Variants in SDK1 observed in about 807,000 individuals in gnomAD.
SDK1 encodes protein sidekick-1.
Under a neutral mutation model 245.5 loss-of-function variants are expected in SDK1, and 157 were observed. The ratio of observed to expected loss-of-function variants is 0.64; its 90% CI spans 0.56 to 0.73. The LOEUF is 0.73. SDK1 is among the 30% of genes least tolerant of loss of function. The probability of loss-of-function intolerance (pLI) is 0.00; values close to 1 mark genes in which losing one functional copy is unlikely to be tolerated. For synonymous variants in SDK1, 1,647 were observed against 1,278.5 expected (o/e 1.29, Z -6.15); for missense variants, 3,583 against 3,002.3 (o/e 1.19, Z -4.52).
chr7:3,817,455 C>T (rs778122959), intron 4 of SDK1, among the ~76,000 whole-genome samples: 1 of 152,192 alleles, frequency 6.6e-6, no homozygotes. Context: ...TGATTCTGCT[C>T]CAGTGGTGAT....
chr7:4,098,438 C>T lies in SDK1; in HGVS notation c.3325-12225C>T, dbSNP rs534961642. On this transcript the variant is annotated intron_variant, in intron 22 of 44. Coordinates refer to ENST00000404826, the MANE Select transcript of SDK1 (RefSeq NM_152744.4). ...TCTTGTTGGATTTTTTTAGATTTGC[C>T]TGTGTGTTTCATTTTTCCAGCCATT... Among the ~76,000 whole-genome samples, 19 of 152,046 alleles carry T rather than the reference C, an allele frequency of 1.2e-4. No individual in the cohort carries two copies. The South Asian group carries it at 2.3e-3, about 18-fold the overall frequency.
At chr7:3,591,353 C>G (rs1780869276) in intron 1 of SDK1, among the ~76,000 whole-genome samples, 4 of 152,216 alleles carry the variant, frequency 2.6e-5, no homozygotes, top group Admixed American at 2.6e-4. Flanking sequence ...CATGACCTAG[C>G]TGTTAATTTA....
intron 4 of SDK1, among the ~76,000 whole-genome samples, chr7:3,715,842 T>G (rs1012991329): frequency 4.6e-5 from 7 of 152,046 alleles, no homozygotes; most frequent in African/African-American, 7.2e-5. Flanking sequence ...CTGTTGCAAT[T>G]ACCAGACAAG....
intron 1 of SDK1, among the ~76,000 whole-genome samples, chr7:3,469,212 C>T (rs964779781): frequency 6.6e-6 from 1 of 152,126 alleles, no homozygotes; most frequent in Non-Finnish European, 1.5e-5. Context: ...TGCTTCAAGC[C>T]AGAAGTTCGA....
intron 38 of SDK1, among the ~76,000 whole-genome samples, chr7:4,213,509 CG>C (rs1303921264): frequency 6.6e-6 from 1 of 151,464 alleles, no homozygotes; most frequent in African/African-American, 2.4e-5. Flanking sequence ...GGGTTGAACC[CG>C]GGAGGTGGAG....
chr7:4,125,723 C>T (rs1784355474), intron 25 of SDK1, among the ~76,000 whole-genome samples: 1 of 152,232 alleles, frequency 6.6e-6, no homozygotes, highest in Non-Finnish European at 1.5e-5. Flanking sequence ...CTTTCATTCT[C>T]ACTCTAAAGG....
chr7:3,906,299 G>A (rs1487250186), intron 5 of SDK1, among the ~76,000 whole-genome samples: 1 of 151,992 alleles, frequency 6.6e-6, no homozygotes, highest in Non-Finnish European at 1.5e-5. Flanking sequence ...ATTTTGTAGT[G>A]TCTCCCAAAT....
intron 2 of SDK1, among the ~76,000 whole-genome samples, chr7:3,624,016 A>T (rs1041633266): frequency 1.3e-5 from 2 of 152,202 alleles, no homozygotes; most frequent in Admixed American, 6.5e-5. Context: ...AATAAAAATT[A>T]TGAAATACCT....
At chr7:3,932,804 A>T (rs1422247936) in intron 5 of SDK1, among the ~76,000 whole-genome samples, 1 of 152,214 alleles carries the variant, frequency 6.6e-6, no homozygotes, top group Non-Finnish European at 1.5e-5. Flanking sequence ...CCAGAGATAG[A>T]CAGGAGAGAA....
intron 4 of SDK1, among the ~76,000 whole-genome samples, chr7:3,644,621 C>A (rs920653429): frequency 6.6e-6 from 1 of 151,100 alleles, no homozygotes; most frequent in Non-Finnish European, 1.5e-5. Flanking sequence ...AAAAAAATAG[C>A]TGGGTGTGGT....
chr7:4,020,327 C>T (rs1312862556), intron 17 of SDK1, among the ~76,000 whole-genome samples: 4 of 152,148 alleles, frequency 2.6e-5, no homozygotes, highest in African/African-American at 9.7e-5. Flanking sequence ...GCCTTGATGC[C>T]TCAGTGTAGT....
chr7:3,569,023 A>G (rs1463047746), intron 1 of SDK1, among the ~76,000 whole-genome samples: 1 of 120,456 alleles, frequency 8.3e-6, no homozygotes, highest in Non-Finnish European at 1.7e-5. Flanking sequence ...TTTTTTTTCT[A>G]GTAACTCATT....
At chr7:3,563,518 C>T (rs745611523) in intron 1 of SDK1, among the ~76,000 whole-genome samples, 59 of 152,056 alleles carry the variant, frequency 3.9e-4, no homozygotes, top group Non-Finnish European at 8.8e-5. Flanking sequence ...GAAGATGTAA[C>T]CATAAAAAAT....
chr7:4,203,069 G>A (rs569956974), intron 35 of SDK1, among the ~76,000 whole-genome samples: 66 of 152,334 alleles, frequency 4.3e-4, no homozygotes, highest in African/African-American at 1.4e-3. Context: ...ACAGAATGCC[G>A]TCCTTGCTGC....
In SDK1 at chr7:4,103,852, G is replaced by A. The variant is rs529344934; in HGVS notation, c.3325-6811G>A. 1.4e-4 allele frequency among the ~76,000 whole-genome samples: 21 copies of A among 152,358 alleles called. No homozygotes were observed. In the East Asian group the frequency reaches 4.1e-3, roughly 29 times the overall value. On this transcript the variant is annotated intron_variant, in intron 22 of 44. Transcript: ENST00000404826. ...TCCAGCAGGGCTTGCCACACTTTCTGTAAAGGTCCCGATAGTGAATACTTG... is the reference window on the plus strand; with the variant it reads ...TCCAGCAGGGCTTGCCACACTTTCTATAAAGGTCCCGATAGTGAATACTTG...
At position 3,895,742 on chromosome 7, in the gene SDK1, G is replaced by T. The variant is rs141092415; in HGVS notation, c.848-55181G>T. Reference sequence around the variant, plus strand: ...TGCTTGATGCCATCAGTATCCCCAGGCACTGCTTTAGGCTCATCTCCCCAT... The same window carrying T: ...TGCTTGATGCCATCAGTATCCCCAGTCACTGCTTTAGGCTCATCTCCCCAT... On this transcript the variant is annotated intron_variant, in intron 5 of 44. Coordinates refer to ENST00000404826, the MANE Select transcript of SDK1 (RefSeq NM_152744.4). Among the ~76,000 whole-genome samples the T allele has an allele frequency of 2.8e-3, 433 of 152,236 alleles. 5 individuals are homozygous for T. In the South Asian group the frequency reaches 0.034, roughly 12 times the overall value.
intron 4 of SDK1, among the ~76,000 whole-genome samples, chr7:3,692,458 G>C (rs916316944): frequency 6.6e-6 from 1 of 152,018 alleles, no homozygotes; most frequent in Non-Finnish European, 1.5e-5. Flanking sequence ...AAACAGAGAG[G>C]ATTTCTTATA....
In SDK1 at chr7:4,149,421, C is replaced by A. The variant is rs376569614; in HGVS notation, c.4583C>A (p.Ser1528Tyr). ...ELPRGEWQTY[S>Y]SSISHEATAC... ...CCTCGGGGTGAGTGGCAGACCTACT[C>A]CTCGTCCATCAGCCATGAGGCGACA... Residue 1528 changes from serine to tyrosine, a missense_variant, in exon 30 of 45, where the codon TCC becomes TAC. Ser to Tyr is a moderately radical substitution (Grantham distance 144, BLOSUM62 -2). Coordinates refer to ENST00000404826, the MANE Select transcript of SDK1 (RefSeq NM_152744.4). 14 of 1,570,730 alleles carry A rather than the reference C, an allele frequency of 8.9e-6. No homozygotes were observed. The highest frequency in any genetic ancestry group is 1.2e-5 in the Non-Finnish European group (14 of 1,159,684).
At chr7:3,706,067 A>G (rs980109298) in intron 4 of SDK1, among the ~76,000 whole-genome samples, 21 of 152,190 alleles carry the variant, frequency 1.4e-4, no homozygotes, top group Admixed American at 4.6e-4. Context: ...GATATATCAC[A>G]TTTATTGATT....
Sources: gnomAD v4.1 joint callset for allele counts (sites outside exome capture counted in the v4.1 genomes callset) on GRCh38, gnomAD v4.1.1 for gene constraint, MANE v1.5 for transcripts, NCBI Gene and HGNC (gene_info 2026-07-23, HGNC 2026-07-21) for gene names.